LHFPL6: variants seen among roughly 807,000 people sequenced by gnomAD.
LHFPL6 encodes the protein LHFPL tetraspan subfamily member 6 protein.
In LHFPL6, 9 loss-of-function variants were observed where a neutral mutation model predicts 20.6. The observed-to-expected ratio is 0.44, with a 90% CI of 0.26 to 0.76. The LOEUF (loss-of-function observed/expected upper bound fraction) is 0.76, where lower values mean the gene tolerates loss of function less well. Among genes scored for constraint, LHFPL6 ranks in the 30% least tolerant of loss-of-function variants. The pLI is 0.20. For synonymous variants in LHFPL6, 105 were observed against 98.7 expected (o/e 1.06, Z -0.38); for missense variants, 218 against 253.5 (o/e 0.86, Z 0.95).
chr13:39,577,113 A>G (rs1872140273), intron 2 of LHFPL6, among the ~76,000 whole-genome samples: 1 of 152,230 alleles, frequency 6.6e-6, no homozygotes, highest in Non-Finnish European at 1.5e-5. Context: ...AAAACAAAAC[A>G]GTGAAAAATG....
intron 2 of LHFPL6, among the ~76,000 whole-genome samples, chr13:39,523,145 G>A (rs1010676639): frequency 6.6e-6 from 1 of 152,068 alleles, no homozygotes; most frequent in African/African-American, 2.4e-5. Context: ...TATGCTTTAC[G>A]ACTGATACAT....
chr13:39,406,578 C>A (rs1871116638), intron 2 of LHFPL6, among the ~76,000 whole-genome samples: 1 of 150,250 alleles, frequency 6.7e-6, no homozygotes, highest in African/African-American at 2.5e-5. Flanking sequence ...CACGGTGGAT[C>A]CTAAGTTATC....
chr13:39,562,014 ATTCTT>A (rs904353916), intron 2 of LHFPL6, among the ~76,000 whole-genome samples: 12 of 152,206 alleles, frequency 7.9e-5, no homozygotes, highest in African/African-American at 2.9e-4. Flanking sequence ...CAAGTTCTGT[ATTCTT>A]TTCATTTCTC....
intron 2 of LHFPL6, among the ~76,000 whole-genome samples, chr13:39,431,896 T>C (rs775046589): frequency 2.0e-5 from 3 of 152,156 alleles, no homozygotes; most frequent in Non-Finnish European, 4.4e-5. Flanking sequence ...TGTCTGTCCC[T>C]ACCCCCTGCT....
intron 2 of LHFPL6, among the ~76,000 whole-genome samples, chr13:39,452,317 C>T (rs1872471508): frequency 6.6e-6 from 1 of 152,140 alleles, no homozygotes; most frequent in Non-Finnish European, 1.5e-5. Context: ...ACTAGGAGGA[C>T]TCCATATTTG....
chr13:39,572,917 G>A (rs56103901), intron 2 of LHFPL6, among the ~76,000 whole-genome samples: 6,910 of 152,192 alleles, frequency 0.045, 245 homozygotes, highest in East Asian at 0.11. Context: ...GAGGGCAAGG[G>A]GATCAGAATT....
chr13:39,578,048 C>CA (rs1433410265), intron 2 of LHFPL6, among the ~76,000 whole-genome samples: 2 of 152,152 alleles, frequency 1.3e-5, no homozygotes, highest in African/African-American at 4.8e-5. Context: ...CCAGAAAAGA[C>CA]ACGTTATCCA....
intron 3 of LHFPL6, among the ~76,000 whole-genome samples, chr13:39,377,192 C>G (rs1033162053): frequency 6.6e-6 from 1 of 152,186 alleles, no homozygotes; most frequent in African/African-American, 2.4e-5. Context: ...CCAGAACAAT[C>G]CCACTTCTTC....
At chr13:39,469,941 G>A (rs767159295) in intron 2 of LHFPL6, among the ~76,000 whole-genome samples, 2 of 152,152 alleles carry the variant, frequency 1.3e-5, no homozygotes, top group Non-Finnish European at 2.9e-5. Flanking sequence ...CACAGGCAAA[G>A]CACTAGAGGG....
chr13:39,392,006 CT>C (rs1286338008), intron 2 of LHFPL6, among the ~76,000 whole-genome samples: 3 of 152,182 alleles, frequency 2.0e-5, no homozygotes, highest in Admixed American at 6.5e-5. Flanking sequence ...CAACTTTTTA[CT>C]TTTCCATCTG....
intron 2 of LHFPL6, among the ~76,000 whole-genome samples, chr13:39,537,002 T>C (rs1198673373): frequency 6.6e-6 from 1 of 152,232 alleles, no homozygotes; most frequent in Non-Finnish European, 1.5e-5. Flanking sequence ...TACGAAGCTG[T>C]TGAGAACGTT....
At chr13:39,471,192 C>T (rs1024778132) in intron 2 of LHFPL6, among the ~76,000 whole-genome samples, 3 of 152,154 alleles carry the variant, frequency 2.0e-5, no homozygotes, top group Admixed American at 2.0e-4. Context: ...GATGCCTGCA[C>T]TGAATATAGA....
chr13:39,486,594 A>G (rs1457917425), intron 2 of LHFPL6, among the ~76,000 whole-genome samples: 1 of 152,188 alleles, frequency 6.6e-6, no homozygotes. Flanking sequence ...TACCGCCAAT[A>G]TGATGACGAT....
At chr13:39,595,072 C>G (rs991804716) in intron 2 of LHFPL6, among the ~76,000 whole-genome samples, 2 of 151,976 alleles carry the variant, frequency 1.3e-5, no homozygotes, top group Non-Finnish European at 2.9e-5. Flanking sequence ...ACATAGGTAA[C>G]AAACCTGCAC....
chr13:39,476,844 C>G (rs1000430432), intron 2 of LHFPL6, among the ~76,000 whole-genome samples: 21 of 152,116 alleles, frequency 1.4e-4, no homozygotes, highest in Non-Finnish European at 4.4e-5. Flanking sequence ...AAGCAGTGTC[C>G]CAGTTTAACA....
At chr13:39,520,660 C>T (rs1184722828) in intron 2 of LHFPL6, among the ~76,000 whole-genome samples, 1 of 152,126 alleles carries the variant, frequency 6.6e-6, no homozygotes, top group Non-Finnish European at 1.5e-5. Flanking sequence ...GAGAAATGAG[C>T]TATCAAATAG....
At chr13:39,533,372 C>G (rs1286771252) in intron 2 of LHFPL6, among the ~76,000 whole-genome samples, 1 of 152,144 alleles carries the variant, frequency 6.6e-6, no homozygotes, top group Non-Finnish European at 1.5e-5. Context: ...CCTCTTGAAT[C>G]CAAGATGGCA....
intron 2 of LHFPL6, among the ~76,000 whole-genome samples, chr13:39,435,451 G>A (rs1330877937): frequency 6.6e-6 from 1 of 151,980 alleles, no homozygotes; most frequent in Non-Finnish European, 1.5e-5. Flanking sequence ...CTTTAGATGA[G>A]GTCATTAGTG....
At chr13:39,511,739 C>G (rs898665820) in intron 2 of LHFPL6, among the ~76,000 whole-genome samples, 1 of 152,176 alleles carries the variant, frequency 6.6e-6, no homozygotes, top group African/African-American at 2.4e-5. Flanking sequence ...CAAGAATTAG[C>G]CTGAAAAGAT....
Sources: gnomAD v4.1 joint callset for allele counts (sites outside exome capture counted in the v4.1 genomes callset) on GRCh38, gnomAD v4.1.1 for gene constraint, MANE v1.5 for transcripts, NCBI Gene and HGNC (gene_info 2026-07-23, HGNC 2026-07-21) for gene names.